Variants in SLC30A6 observed in about 807,000 individuals in gnomAD.
SLC30A6 encodes the protein solute carrier family 30 member 6, also known as zinc transporter 6.
In SLC30A6, 55 loss-of-function variants were observed where a neutral mutation model predicts 63.0. That is an observed-to-expected ratio of 0.87 (90% CI 0.70 to 1.09). SLC30A6 has a LOEUF of 1.09. Ranked by LOEUF, SLC30A6 falls within the 50% of genes least tolerant of loss-of-function variation. The pLI is 0.00. For missense variants in SLC30A6, 587 were observed against 549.2 expected, an observed-to-expected ratio of 1.07 and a Z score of -0.69; for synonymous variants, 224 against 186.1, an observed-to-expected ratio of 1.20 and a Z score of -1.66.
chr2:32,193,129 C>T (rs1683486192), intron 7 of SLC30A6, among the ~76,000 whole-genome samples, 176 bp downstream of exon 7: 2 of 151,994 alleles, frequency 1.3e-5, no homozygotes, highest in Admixed American at 6.6e-5. Flanking sequence ...TTAACAGTTC[C>T]CAAGTTCTAA....
chr2:32,169,455 G>T (rs1680985181), intron 1 of SLC30A6, among the ~76,000 whole-genome samples: 1 of 152,054 alleles, frequency 6.6e-6, no homozygotes, highest in African/African-American at 2.4e-5. Context: ...GGAATTACAG[G>T]CATGAGCCAC....
chr2:32,172,779 A>G (rs1003251583), intron 2 of SLC30A6, among the ~76,000 whole-genome samples: 3 of 152,168 alleles, frequency 2.0e-5, no homozygotes, highest in East Asian at 1.9e-4. Context: ...CAATTTTCCA[A>G]TTTCCTAGAT....
At chr2:32,171,974 G>A (rs1056843649) in intron 2 of SLC30A6, among the ~76,000 whole-genome samples, 7 of 152,128 alleles carry the variant, frequency 4.6e-5, no homozygotes, top group Admixed American at 1.3e-4. Context: ...GATTACAGGC[G>A]TGAACCACCG....
intron 11 of SLC30A6, among the ~76,000 whole-genome samples, chr2:32,205,444 T>A (rs1348010256): frequency 6.6e-6 from 1 of 151,992 alleles, no homozygotes; most frequent in Non-Finnish European, 1.5e-5. Flanking sequence ...ACATTTTTTT[T>A]AATGCCCTCC....
At chr2:32,199,456 A>G (rs751197608) in intron 10 of SLC30A6, among the ~76,000 whole-genome samples, 3 of 152,130 alleles carry the variant, frequency 2.0e-5, no homozygotes, top group African/African-American at 2.4e-5. Context: ...ATATATATTT[A>G]TGGGGTACAT....
At chr2:32,211,710 A>G (rs146536084) in intron 13 of SLC30A6, among the ~76,000 whole-genome samples, 7 of 151,880 alleles carry the variant, frequency 4.6e-5, no homozygotes, top group Admixed American at 2.6e-4. Context: ...CTCTGCCTCC[A>G]GGGTTCAAGC....
chr2:32,203,453 C>G lies in SLC30A6; in HGVS notation c.666-1137C>G. 1.9e-6 allele frequency: 3 copies of G among 1,556,832 alleles called. No individual in the cohort carries two copies. The South Asian group carries it at 3.3e-5, about 17-fold the overall frequency. On this transcript the variant is annotated intron_variant, in intron 10 of 13. Coordinates refer to ENST00000282587, the MANE Select transcript of SLC30A6 (RefSeq NM_017964.5). ...TTTTTTCCAACCATCAGCTCAGATA[C>G]TGACAGAAGAGAAAGGGGCAGTGGA...
intron 10 of SLC30A6, chr2:32,202,030 A>G (rs1684334947): frequency 9.0e-7 from 1 of 1,114,278 alleles, no homozygotes; most frequent in East Asian, 2.5e-5. Flanking sequence ...TATGAAAAAA[A>G]AAAAGCAAGT....
At position 32,170,212 on chromosome 2, in the gene SLC30A6, T is replaced by A. The variant is rs1681075971; in HGVS notation, c.4-1075T>A. Reference sequence around the variant, plus strand: ...TACATCTAGACTTTCTTCAGTCAAGTACTCTATAAATCTGTATTTTATTTT... The same window carrying A: ...TACATCTAGACTTTCTTCAGTCAAGAACTCTATAAATCTGTATTTTATTTT... On this transcript the variant is annotated intron_variant, in intron 1 of 13. Coordinates refer to ENST00000282587, the MANE Select transcript of SLC30A6 (RefSeq NM_017964.5). Among the ~76,000 whole-genome samples the A allele has an allele frequency of 2.6e-5, 4 of 152,234 alleles. No homozygotes were observed. The South Asian group carries it at 8.3e-4, about 32-fold the overall frequency.
Position 32,220,216 on chromosome 2 carries a change from G to A in SLC30A6, c.889G>A (p.Gly297Arg). The stretch of plus-strand genomic sequence containing the variant: ...GTTATGATTTTGCCCCTTTTAGGCT[G>A]GATCAGTGCATGTAAGAATTCGACG... Reference protein sequence around the residue: ...FWTLGFGSLAGSVHVRIRRDA... With the variant: ...FWTLGFGSLARSVHVRIRRDA... Residue 297 changes from glycine (G) to arginine (R), a missense_variant, in exon 14 of 14, where the codon GGA (glycine) becomes AGA (arginine). Transcript: ENST00000282587. 6.2e-7 allele frequency: 1 copy of A among 1,610,550 alleles called. No homozygotes were observed. The highest frequency in any genetic ancestry group is 8.5e-7 in the Non-Finnish European group (1 of 1,177,090).
intron 5 of SLC30A6, among the ~76,000 whole-genome samples, chr2:32,186,679 G>A (rs1301933480): frequency 7.4e-5 from 11 of 148,480 alleles, no homozygotes; most frequent in African/African-American, 2.2e-4. Flanking sequence ...GTGACAGAGC[G>A]AGACTCTGTC....
At chr2:32,180,870 A>C (rs1302962768) in intron 4 of SLC30A6, among the ~76,000 whole-genome samples, 1 of 152,262 alleles carries the variant, frequency 6.6e-6, no homozygotes, top group East Asian at 1.9e-4. Flanking sequence ...CTTAAGGTTC[A>C]TAAGGAAAAT....
chr2:32,213,807 T>G (rs184651367), intron 13 of SLC30A6, among the ~76,000 whole-genome samples: 1,446 of 127,142 alleles, frequency 0.011, 71 homozygotes, highest in East Asian at 0.034. Context: ...TTTTTTTTTT[T>G]TTTGTTTTTG....
At chr2:32,172,625 G>T (rs147142810) in intron 2 of SLC30A6, among the ~76,000 whole-genome samples, 1 of 152,140 alleles carries the variant, frequency 6.6e-6, no homozygotes, top group East Asian at 1.9e-4. Context: ...TACTCTACTT[G>T]CATCTAAGCA....
At chr2:32,182,060 G>C (rs1352438613) in intron 4 of SLC30A6, among the ~76,000 whole-genome samples, 1 of 150,990 alleles carries the variant, frequency 6.6e-6, no homozygotes, top group Non-Finnish European at 1.5e-5. Context: ...TAGCCTCTGG[G>C]GTAGCTGGGA....
intron 8 of SLC30A6, 65 bp from the exon 9 acceptor site, chr2:32,197,279 C>G: frequency 7.1e-7 from 1 of 1,416,944 alleles, no homozygotes; most frequent in Admixed American, 2.4e-5. Flanking sequence ...TTAAAGAACT[C>G]AAATATTTCA....
chr2:32,181,634 A>G (rs974741435), intron 4 of SLC30A6, among the ~76,000 whole-genome samples: 1 of 152,154 alleles, frequency 6.6e-6, no homozygotes, highest in African/African-American at 2.4e-5. Flanking sequence ...TGGGAGTCCG[A>G]GGCTGGCAGA....
At chr2:32,191,842 A>C (rs1373982060) in intron 5 of SLC30A6, among the ~76,000 whole-genome samples, 1 of 152,132 alleles carries the variant, frequency 6.6e-6, no homozygotes, top group Non-Finnish European at 1.5e-5. Context: ...CAGCCTGGGC[A>C]ACATAGTGAG....
intron 5 of SLC30A6, among the ~76,000 whole-genome samples, chr2:32,189,874 A>G (rs1683177814): frequency 6.6e-6 from 1 of 151,998 alleles, no homozygotes; most frequent in South Asian, 2.1e-4. Context: ...AGCTGAAATT[A>G]CAGGTGTGGA....
Sources: gnomAD v4.1 joint callset for allele counts (sites outside exome capture counted in the v4.1 genomes callset) on GRCh38, gnomAD v4.1.1 for gene constraint, MANE v1.5 for transcripts, NCBI Gene and HGNC (gene_info 2026-07-23, HGNC 2026-07-21) for gene names.